The following USP49 variants were observed in gnomAD, a reference collection of about 807,000 sequenced individuals.
USP49 encodes the protein ubiquitin carboxyl-terminal hydrolase 49.
A neutral mutation model predicts 58.6 loss-of-function variants in USP49; 24 were observed. That is an observed-to-expected ratio of 0.41 (90% confidence interval 0.30 to 0.58). The LOEUF is 0.58. Ranked by LOEUF, USP49 falls within the 20% of genes least tolerant of loss-of-function variation. The pLI is 0.30. For missense variants in USP49, 703 were observed against 866.1 expected (o/e 0.81, Z 2.36); for synonymous variants, 408 against 365.1 (o/e 1.12, Z -1.34).
intron 2 of USP49, among the ~76,000 whole-genome samples, chr6:41,873,882 T>C (rs1193162468): frequency 2.0e-5 from 3 of 152,236 alleles, no homozygotes; most frequent in Admixed American, 6.5e-5. Flanking sequence ...TAAGATTCTA[T>C]ACATTCAAAT....
chr6:41,878,428 G>A (rs779153685), intron 2 of USP49, among the ~76,000 whole-genome samples: 9 of 152,150 alleles, frequency 5.9e-5, no homozygotes, highest in Non-Finnish European at 1.2e-4. Context: ...GCAAAGGAAT[G>A]TGCTTGCATT....
chr6:41,801,795 A>C (rs1222662721), intron 5 of USP49, among the ~76,000 whole-genome samples: 1 of 152,240 alleles, frequency 6.6e-6, no homozygotes, highest in East Asian at 1.9e-4. Context: ...CTTCACAGGC[A>C]ACAGATCAAT....
chr6:41,805,763 C>A lies in USP49; in HGVS notation c.1221G>T (p.Leu407=). The stretch of plus-strand genomic sequence containing the variant: ...CGAGTTCCTGCTGCACCTTGTGCAG[C>A]AGCTCGCAGAGAAATTCCTGCGCGT... The part of the protein sequence containing the change: ...QQDAQEFLCE[L]LHKVQQELES... Residue 407 remains leucine (L), a synonymous_variant, in exon 4 of 8, where the codon CTG becomes CTT. Coordinates refer to ENST00000682992, the MANE Select transcript of USP49 (RefSeq NM_001286554.2). 6.2e-7 allele frequency: 1 copy of A among 1,614,130 alleles called. No individual in the cohort carries two copies. Among genetic ancestry groups the A allele is most frequent in the Non-Finnish European group, 8.5e-7 (1 of 1,180,028 alleles).
intron 3 of USP49, among the ~76,000 whole-genome samples, chr6:41,870,109 T>A (rs551019973): frequency 6.6e-6 from 1 of 152,378 alleles, no homozygotes; most frequent in Non-Finnish European, 1.5e-5. Flanking sequence ...TGTGGATGGC[T>A]GGCACATAAA....
intron 2 of USP49, among the ~76,000 whole-genome samples, chr6:41,884,813 A>C (rs988078443): frequency 2.0e-5 from 3 of 152,238 alleles, no homozygotes; most frequent in Admixed American, 6.5e-5. Flanking sequence ...AGGGAAAAAT[A>C]ATTTACAGTA....
chr6:41,854,052 C>G (rs1355314051), intron 3 of USP49, among the ~76,000 whole-genome samples: 1 of 147,886 alleles, frequency 6.8e-6, no homozygotes, highest in African/African-American at 2.5e-5. Context: ...AGGGGTGGCT[C>G]ATGCCCGTAA....
chr6:41,802,698 A>C (rs1773042363), intron 5 of USP49, among the ~76,000 whole-genome samples: 1 of 151,894 alleles, frequency 6.6e-6, no homozygotes, highest in Non-Finnish European at 1.5e-5. Flanking sequence ...TTTAGTTTCC[A>C]AATCTATATA....
intron 2 of USP49, among the ~76,000 whole-genome samples, chr6:41,884,839 T>TA (rs1315240412): frequency 6.6e-6 from 1 of 152,190 alleles, no homozygotes; most frequent in African/African-American, 2.4e-5. Context: ...TAATATATAC[T>TA]AAAAAATGAG....
At chr6:41,848,778 C>A (rs2127349276) in intron 3 of USP49, among the ~76,000 whole-genome samples, 1 of 151,694 alleles carries the variant, frequency 6.6e-6, no homozygotes, top group African/African-American at 2.4e-5. Flanking sequence ...TGGTGTGAAC[C>A]CGGGAGGCAG....
chr6:41,826,494 A>G (rs1001609163), intron 3 of USP49, among the ~76,000 whole-genome samples: 2 of 152,210 alleles, frequency 1.3e-5, no homozygotes, highest in African/African-American at 4.8e-5. Context: ...ATTGTTCCAG[A>G]CATGATTTGC....
intron 3 of USP49, among the ~76,000 whole-genome samples, chr6:41,852,420 A>G (rs1197008433): frequency 6.6e-6 from 1 of 152,236 alleles, no homozygotes; most frequent in Non-Finnish European, 1.5e-5. Flanking sequence ...ATCAATATGC[A>G]AAAATCTGCT....
intron 3 of USP49, among the ~76,000 whole-genome samples, chr6:41,865,485 T>C (rs1049182852): frequency 2.0e-5 from 3 of 152,106 alleles, no homozygotes; most frequent in East Asian, 3.8e-4. Flanking sequence ...TCCTAAACCA[T>C]GTGGTGCCTT....
At chr6:41,869,080 C>CTTT (rs571000427) in intron 3 of USP49, among the ~76,000 whole-genome samples, 3 of 137,882 alleles carry the variant, frequency 2.2e-5, no homozygotes, top group Admixed American at 7.3e-5. Flanking sequence ...TGTTCTTAGT[C>CTTT]TTTTTTTTTT....
intron 3 of USP49, among the ~76,000 whole-genome samples, chr6:41,866,735 G>A (rs954368761): frequency 6.6e-6 from 1 of 152,006 alleles, no homozygotes; most frequent in African/African-American, 2.4e-5. Flanking sequence ...CTGCTTCTGC[G>A]TTCAGTCAAC....
At chr6:41,798,435 G>A (rs577377983) in intron 7 of USP49, 66 of 629,122 alleles carry the variant, frequency 1.0e-4, no homozygotes, top group African/African-American at 2.1e-4. Context: ...CACCACGCCC[G>A]GCTAATTTTT....
At chr6:41,874,494 T>C (rs758067192) in intron 2 of USP49, among the ~76,000 whole-genome samples, 5 of 152,206 alleles carry the variant, frequency 3.3e-5, no homozygotes, top group African/African-American at 4.8e-5. Context: ...GTGTTTAATG[T>C]GTGCCAGAAA....
At chr6:41,877,078 T>C (rs1002757546) in intron 2 of USP49, among the ~76,000 whole-genome samples, 2 of 152,188 alleles carry the variant, frequency 1.3e-5, no homozygotes, top group African/African-American at 2.4e-5. Flanking sequence ...GTGCACCACA[T>C]AGAAAGCATG....
chr6:41,825,485 A>C lies in USP49; in HGVS notation c.-28-18474T>G, dbSNP rs77439327. Among the ~76,000 whole-genome samples, 1,409 of 152,146 alleles carry C rather than the reference A, an allele frequency of 9.3e-3. 20 individuals carry two copies. The highest frequency in any genetic ancestry group is 0.032 in the African/African-American group (1,328 of 41,530). On this transcript the variant is annotated intron_variant, in intron 3 of 7. Transcript: ENST00000682992. ...AGAACACGAAAAATAAGTCTCACTG[A>C]CCTCATAATTTTTTCCAGCATCTCT...
chr6:41,812,702 A>C (rs1212547039), intron 3 of USP49, among the ~76,000 whole-genome samples: 9 of 152,118 alleles, frequency 5.9e-5, no homozygotes, highest in Non-Finnish European at 1.3e-4. Flanking sequence ...CTCAAAAAAA[A>C]CTTTAGTACA....
Sources: allele counts gnomAD v4.1 joint callset (sites outside exome capture counted in the v4.1 genomes callset), GRCh38; gene constraint gnomAD v4.1.1; transcripts MANE v1.5; gene names NCBI Gene and HGNC (gene_info 2026-07-23, HGNC 2026-07-21).